The following UCHL3 variants were observed in gnomAD, a reference collection of about 807,000 sequenced individuals.
The protein encoded by UCHL3 is ubiquitin C-terminal hydrolase L3, also known as ubiquitin carboxyl-terminal hydrolase isozyme L3.
Under a neutral mutation model 35.8 loss-of-function variants are expected in UCHL3, and 22 were observed. The ratio of observed to expected loss-of-function variants is 0.61; its 90% CI spans 0.44 to 0.88. UCHL3 has a LOEUF of 0.88. Ranked by LOEUF, UCHL3 falls within the 40% of genes least tolerant of loss-of-function variation. UCHL3 has a pLI of 0.00. For synonymous variants in UCHL3, 90 were observed against 92.8 expected (o/e 0.97, Z 0.17); for missense variants, 229 against 276.9 (o/e 0.83, Z 1.23).
intron 6 of UCHL3, among the ~76,000 whole-genome samples, chr13:75,578,014 T>C (rs117816072): frequency 0.029 from 4,351 of 152,292 alleles, 79 homozygotes; most frequent in Non-Finnish European, 0.046. Flanking sequence ...AGTATTGTTT[T>C]CTGTTTTTAA....
chr13:75,580,850 G>A (rs867109548), intron 6 of UCHL3, among the ~76,000 whole-genome samples: 46 of 152,298 alleles, frequency 3.0e-4, no homozygotes, highest in South Asian at 2.1e-4. Flanking sequence ...GCAACAAAAC[G>A]TGTAGGTAAT....
chr13:75,594,956 A>T lies in UCHL3; in HGVS notation c.516A>T (p.Ala172=). The change falls in exon 7 of 9, where the codon GCA becomes GCT. Residue 172 remains alanine, a synonymous_variant. Coordinates refer to ENST00000377595, the MANE Select transcript of UCHL3 (RefSeq NM_006002.5). The stretch of plus-strand genomic sequence containing the variant: ...AGAAAGTAGATCTTCATTTTATTGC[A>T]TTAGTTCATGTAGATGGGCATCTCT... ...IDEKVDLHFI[A]LVHVDGHLYE... is the part of the protein sequence containing the mutation. The T allele has an allele frequency of 6.2e-7, 1 of 1,608,536 alleles. No homozygotes were observed. The highest frequency in any genetic ancestry group is 8.5e-7 in the Non-Finnish European group (1 of 1,178,690).
intron 3 of UCHL3, among the ~76,000 whole-genome samples, chr13:75,565,872 A>G (rs1169793067): frequency 3.3e-5 from 5 of 152,198 alleles, no homozygotes; most frequent in Non-Finnish European, 5.9e-5. Flanking sequence ...TAATTTGCTA[A>G]AGTCACACAG....
intron 5 of UCHL3, among the ~76,000 whole-genome samples, chr13:75,567,950 T>C (rs2031737260): frequency 6.6e-6 from 1 of 152,156 alleles, no homozygotes; most frequent in Admixed American, 6.5e-5. Context: ...GTATCTTTTA[T>C]TGGGAATTTG....
At chr13:75,592,730 AT>A (rs1221084809) in intron 6 of UCHL3, among the ~76,000 whole-genome samples, 3 of 151,778 alleles carry the variant, frequency 2.0e-5, no homozygotes, top group Admixed American at 6.6e-5. Flanking sequence ...CTTATCTTTT[AT>A]AATAGTTTGA....
At chr13:75,588,661 A>C (rs2032395203) in intron 6 of UCHL3, among the ~76,000 whole-genome samples, 1 of 152,178 alleles carries the variant, frequency 6.6e-6, no homozygotes, top group South Asian at 2.1e-4. Context: ...GAAGGTACTA[A>C]GTAGGATTAG....
At chr13:75,592,494 CTTTTTT>C (rs67777133) in intron 6 of UCHL3, among the ~76,000 whole-genome samples, 1 of 74,862 alleles carries the variant, frequency 1.3e-5, no homozygotes. Flanking sequence ...CATCTATAGC[CTTTTTT>C]TTTTTTTTGC....
chr13:75,575,245 C>G (rs992513062), intron 6 of UCHL3, among the ~76,000 whole-genome samples: 1 of 152,156 alleles, frequency 6.6e-6, no homozygotes, highest in Non-Finnish European at 1.5e-5. Flanking sequence ...TCCATCCCAC[C>G]GTGATTGTCT....
chr13:75,561,808 C>CGTATAT (rs1566211489), intron 3 of UCHL3, among the ~76,000 whole-genome samples: 1 of 31,540 alleles, frequency 3.2e-5, no homozygotes, highest in African/African-American at 5.8e-5. Flanking sequence ...TATACGTATA[C>CGTATAT]ATACGTATAC....
chr13:75,549,733 A>C, upstream of UCHL3: 25 of 1,393,852 alleles, frequency 1.8e-5, no homozygotes, highest in Non-Finnish European at 2.3e-5. Flanking sequence ...GTGTGTTGGG[A>C]GGGCCCAGGT....
chr13:75,602,177 C>G (rs2032798106), intron 7 of UCHL3, among the ~76,000 whole-genome samples: 1 of 152,160 alleles, frequency 6.6e-6, no homozygotes, highest in Admixed American at 6.5e-5. Context: ...TGTATAGTCT[C>G]TGTTTTTTAA....
intron 6 of UCHL3, among the ~76,000 whole-genome samples, chr13:75,577,083 G>GA (rs2032046536): frequency 6.6e-6 from 1 of 151,888 alleles, no homozygotes. Context: ...GACCCTGTAT[G>GA]TACAAAAAAA....
At position 75,567,209 on chromosome 13, in the gene UCHL3, C is replaced by G. The variant is rs766041145; in HGVS notation, c.341-18C>G. ...CTGTATCAAGCCTTTTTAATTTTAT[C>G]TTCTTTCATATTCTCAGAATCTGGA... On this transcript the variant is annotated intron_variant, in intron 4 of 8. Coordinates refer to ENST00000377595, the MANE Select transcript of UCHL3 (RefSeq NM_006002.5). The G allele has an allele frequency of 2.2e-5, 36 of 1,609,410 alleles. No individual in the cohort carries two copies. Among genetic ancestry groups the G allele is most frequent in the Non-Finnish European group, 2.7e-5 (32 of 1,176,628 alleles).
At chr13:75,561,279 A>G (rs1005303178) in intron 3 of UCHL3, among the ~76,000 whole-genome samples, 3 of 152,196 alleles carry the variant, frequency 2.0e-5, no homozygotes, top group Non-Finnish European at 4.4e-5. Flanking sequence ...TTTGATAAAT[A>G]CAATCTTTAA....
chr13:75,559,218 T>C (rs1320857239), intron 2 of UCHL3, among the ~76,000 whole-genome samples: 1 of 151,852 alleles, frequency 6.6e-6, no homozygotes, highest in Non-Finnish European at 1.5e-5. Flanking sequence ...TTTTTTGTAT[T>C]TTTAGTAGAG....
chr13:75,572,008 G>GTCTTGTCTTT (rs1158875138), intron 6 of UCHL3, among the ~76,000 whole-genome samples: 106 of 151,746 alleles, frequency 7.0e-4, no homozygotes, highest in Non-Finnish European at 1.2e-3. Context: ...GTCTTGTCTT[G>GTCTTGTCTTT]TCTTGTCTTG....
At chr13:75,563,436 C>T (rs2031581759) in intron 3 of UCHL3, among the ~76,000 whole-genome samples, 1 of 152,164 alleles carries the variant, frequency 6.6e-6, no homozygotes, top group Admixed American at 6.5e-5. Flanking sequence ...TTTGGTCTCC[C>T]AGAGTGCTGG....
At chr13:75,600,870 C>T (rs9543991) in intron 7 of UCHL3, among the ~76,000 whole-genome samples, 22,332 of 152,194 alleles carry the variant, frequency 0.15, 1,796 homozygotes, top group Middle Eastern at 0.3. Context: ...AAATTGGAAA[C>T]TTCCTGGAAA....
intron 6 of UCHL3, among the ~76,000 whole-genome samples, chr13:75,590,762 G>A (rs1382514250): frequency 6.6e-6 from 1 of 152,096 alleles, no homozygotes; most frequent in African/African-American, 2.4e-5. Flanking sequence ...TTCTCCTTGT[G>A]TATTGATGTA....
Sources: gnomAD v4.1 joint callset for allele counts (sites outside exome capture counted in the v4.1 genomes callset) on GRCh38, gnomAD v4.1.1 for gene constraint, MANE v1.5 for transcripts, NCBI Gene and HGNC (gene_info 2026-07-23, HGNC 2026-07-21) for gene names.